Variants in ARHGAP15 observed in about 807,000 individuals in gnomAD.
ARHGAP15 encodes the protein Rho GTPase activating protein 15, also known as rho GTPase-activating protein 15.
In ARHGAP15, 51 loss-of-function variants were observed where a neutral mutation model predicts 63.7. That is an observed-to-expected ratio of 0.80 (90% confidence interval 0.64 to 1.01). ARHGAP15 has a LOEUF of 1.01. ARHGAP15 is among the 50% of genes least tolerant of loss of function. The probability of loss-of-function intolerance (pLI) is 0.00; values close to 1 mark genes in which losing one functional copy is unlikely to be tolerated. For synonymous variants in ARHGAP15, 191 were observed against 193.8 expected, an observed-to-expected ratio of 0.99 and a Z score of 0.12; for missense variants, 560 against 564.6, an observed-to-expected ratio of 0.99 and a Z score of 0.08.
At chr2:143,360,288 G>A (rs574851680) in intron 6 of ARHGAP15, among the ~76,000 whole-genome samples, 1 of 152,142 alleles carries the variant, frequency 6.6e-6, no homozygotes, top group South Asian at 2.1e-4. Flanking sequence ...AGGAGGCTGA[G>A]GAGGGAGGAT....
chr2:143,627,953 C>T (rs181140853), intron 12 of ARHGAP15, among the ~76,000 whole-genome samples: 1 of 151,900 alleles, frequency 6.6e-6, no homozygotes, highest in East Asian at 1.9e-4. Flanking sequence ...TACTACCCAA[C>T]AGTTTTTCAA....
intron 2 of ARHGAP15, among the ~76,000 whole-genome samples, chr2:143,179,608 C>T (rs1469786282): frequency 2.0e-5 from 3 of 152,124 alleles, no homozygotes; most frequent in South Asian, 2.1e-4. Flanking sequence ...ACAATATGAG[C>T]CAAGCGTGAT....
intron 6 of ARHGAP15, among the ~76,000 whole-genome samples, chr2:143,353,675 G>T (rs942483275): frequency 6.6e-6 from 1 of 151,988 alleles, no homozygotes; most frequent in Non-Finnish European, 1.5e-5. Flanking sequence ...CTCATTCCAG[G>T]GTTCTAAAAT....
chr2:143,699,860 A>G (rs972170966), intron 12 of ARHGAP15, among the ~76,000 whole-genome samples: 1 of 152,182 alleles, frequency 6.6e-6, no homozygotes, highest in Non-Finnish European at 1.5e-5. Context: ...TACATTACAT[A>G]CTATCTTGTT....
At chr2:143,394,325 CAAG>C (rs1687667679) in intron 6 of ARHGAP15, among the ~76,000 whole-genome samples, 1 of 152,114 alleles carries the variant, frequency 6.6e-6, no homozygotes, top group South Asian at 2.1e-4. Flanking sequence ...ACAGCCAAGA[CAAG>C]AACACAAATG....
intron 6 of ARHGAP15, among the ~76,000 whole-genome samples, chr2:143,328,837 G>T (rs1179642937): frequency 1.3e-5 from 2 of 152,138 alleles, no homozygotes; most frequent in African/African-American, 4.8e-5. Flanking sequence ...TAGTATAATT[G>T]GAATATTTGT....
At chr2:143,618,652 A>T (rs1347550528) in intron 11 of ARHGAP15, among the ~76,000 whole-genome samples, 1 of 152,128 alleles carries the variant, frequency 6.6e-6, no homozygotes, top group African/African-American at 2.4e-5. Flanking sequence ...CATGAAGAAG[A>T]TTTTCTTTCT....
At chr2:143,426,317 G>A (rs1229916200) in intron 6 of ARHGAP15, among the ~76,000 whole-genome samples, 2 of 152,072 alleles carry the variant, frequency 1.3e-5, no homozygotes, top group African/African-American at 4.8e-5. Flanking sequence ...TTGCTCAAGT[G>A]TTCCCTTTTT....
At chr2:143,435,721 T>A in intron 7 of ARHGAP15, 22 bp downstream of exon 7, 1 of 1,596,418 alleles carries the variant, frequency 6.3e-7, no homozygotes. Flanking sequence ...TTTTGGCTGT[T>A]ACCTTTATTA....
intron 6 of ARHGAP15, among the ~76,000 whole-genome samples, chr2:143,420,555 A>G (rs937896918): frequency 2.6e-5 from 4 of 152,226 alleles, no homozygotes; most frequent in African/African-American, 7.2e-5. Context: ...ATATTTAATT[A>G]TCATTGTGGT....
chr2:143,437,420 G>C (rs1362009165), intron 8 of ARHGAP15: 2 of 169,298 alleles, frequency 1.2e-5, no homozygotes, highest in East Asian at 3.6e-4. Context: ...CACCAGTGTG[G>C]TCTAACTTAA....
intron 13 of ARHGAP15, among the ~76,000 whole-genome samples, chr2:143,759,274 C>T (rs886449765): frequency 1.3e-5 from 2 of 152,034 alleles, no homozygotes; most frequent in African/African-American, 4.8e-5. Context: ...AGGAAGAGTA[C>T]ATGGGAAGGT....
At chr2:143,151,408 G>A (rs576528990) in intron 1 of ARHGAP15, among the ~76,000 whole-genome samples, 10 of 152,124 alleles carry the variant, frequency 6.6e-5, no homozygotes, top group African/African-American at 2.2e-4. Flanking sequence ...GGCATAAATA[G>A]AGTGGACTGA....
chr2:143,444,298 G>GA (rs1282213768), intron 8 of ARHGAP15, among the ~76,000 whole-genome samples: 2 of 151,184 alleles, frequency 1.3e-5, no homozygotes, highest in East Asian at 1.9e-4. Flanking sequence ...GTAAACAAAA[G>GA]AAAAAAAAAG....
Position 143,474,666 on chromosome 2 carries a change from T to C in ARHGAP15, c.704-12707T>C, listed in dbSNP as rs74787430. Among the ~76,000 whole-genome samples the C allele has an allele frequency of 9.4e-3, 1,429 of 152,306 alleles. 13 individuals carry two copies. The highest frequency in any genetic ancestry group is 0.017 in the Middle Eastern group (5 of 294). On this transcript the variant is annotated intron_variant, in intron 8 of 13. Coordinates refer to ENST00000295095, the MANE Select transcript of ARHGAP15 (RefSeq NM_018460.4). ...GATTGAACCTTTATTTCTTACTACGTGGCCTTAACCAAATGATTTAAACAA... is the reference window on the plus strand; with the variant it reads ...GATTGAACCTTTATTTCTTACTACGCGGCCTTAACCAAATGATTTAAACAA...
At chr2:143,312,379 C>T (rs1683488286) in intron 6 of ARHGAP15, among the ~76,000 whole-genome samples, 1 of 151,816 alleles carries the variant, frequency 6.6e-6, no homozygotes, top group African/African-American at 2.4e-5. Context: ...CATTTTCTTC[C>T]AATTTTTGTT....
intron 6 of ARHGAP15, among the ~76,000 whole-genome samples, chr2:143,384,543 A>G (rs969664756): frequency 4.8e-5 from 7 of 145,014 alleles, no homozygotes; most frequent in Admixed American, 4.3e-4. Context: ...ACTCAGGCAA[A>G]AAGGCCTATG....
intron 13 of ARHGAP15, among the ~76,000 whole-genome samples, chr2:143,731,726 G>A (rs1685545901): frequency 6.6e-6 from 1 of 152,122 alleles, no homozygotes; most frequent in Non-Finnish European, 1.5e-5. Context: ...TAGGGCAAAG[G>A]CTATGCTTAT....
chr2:143,250,407 A>T, intron 5 of ARHGAP15, 104 bp from the exon 6 acceptor site: 1 of 794,628 alleles, frequency 1.3e-6, no homozygotes, highest in Non-Finnish European at 1.9e-6. Flanking sequence ...AAAAGGCATT[A>T]TATCATAAAT....
Sources: gnomAD v4.1 joint callset for allele counts (sites outside exome capture counted in the v4.1 genomes callset) on GRCh38, gnomAD v4.1.1 for gene constraint, MANE v1.5 for transcripts, NCBI Gene and HGNC (gene_info 2026-07-23, HGNC 2026-07-21) for gene names.